KATNIP: variants seen among roughly 807,000 people sequenced by gnomAD.
The protein encoded by KATNIP is katanin-interacting protein.
In KATNIP, 126 loss-of-function variants were observed where a neutral mutation model predicts 174.0. That is an observed-to-expected ratio of 0.72 (90% CI 0.63 to 0.84). The LOEUF is 0.84. KATNIP is among the 40% of genes least tolerant of loss of function. The probability of loss-of-function intolerance (pLI) is 0.00; values close to 1 mark genes in which losing one functional copy is unlikely to be tolerated. For missense variants in KATNIP, 1,958 were observed against 2,109.7 expected (o/e 0.93, Z 1.41); for synonymous variants, 810 against 835.7 (o/e 0.97, Z 0.53).
chr16:27,556,380 T>G (rs1038486009), intron 1 of KATNIP, among the ~76,000 whole-genome samples: 2 of 152,192 alleles, frequency 1.3e-5, no homozygotes. Context: ...AGTTGAATTT[T>G]CCCCAGTACT....
At chr16:27,718,313 C>T (rs1249989775) in intron 13 of KATNIP, 2 of 152,238 alleles carry the variant, frequency 1.3e-5, no homozygotes, top group Non-Finnish European at 2.9e-5. Flanking sequence ...CGCCCGATTC[C>T]CGTTCTGCTG....
intron 15 of KATNIP, among the ~76,000 whole-genome samples, chr16:27,744,217 C>T (rs2081203572): frequency 6.6e-6 from 1 of 152,154 alleles, no homozygotes; most frequent in Admixed American, 6.5e-5. Context: ...ATTGGAATTT[C>T]GTTGCCAGTA....
At chr16:27,587,978 T>C (rs1410277386) in intron 2 of KATNIP, among the ~76,000 whole-genome samples, 2 of 150,972 alleles carry the variant, frequency 1.3e-5, no homozygotes, top group Admixed American at 1.3e-4. Context: ...TGCAGTGGCA[T>C]GAACACGGCT....
intron 6 of KATNIP, among the ~76,000 whole-genome samples, chr16:27,666,673 G>C (rs949609707): frequency 1.3e-5 from 2 of 152,176 alleles, no homozygotes; most frequent in Non-Finnish European, 2.9e-5. Context: ...GCCTGCCAAA[G>C]TGTTGGGATT....
chr16:27,760,508 C>T (rs1314766203), intron 18 of KATNIP, among the ~76,000 whole-genome samples: 1 of 152,132 alleles, frequency 6.6e-6, no homozygotes, highest in South Asian at 2.1e-4. Context: ...AAAAGGATGG[C>T]GGTATCACCC....
At chr16:27,662,953 T>C (rs959983366) in intron 6 of KATNIP, among the ~76,000 whole-genome samples, 1 of 152,178 alleles carries the variant, frequency 6.6e-6, no homozygotes, top group African/African-American at 2.4e-5. Context: ...TTTACTTTTA[T>C]TGAGCAAGTA....
At chr16:27,676,133 C>T (rs535962454) in intron 6 of KATNIP, among the ~76,000 whole-genome samples, 3 of 152,164 alleles carry the variant, frequency 2.0e-5, no homozygotes, top group Non-Finnish European at 4.4e-5. Context: ...CTGTCTCTTT[C>T]CTCTCACATT....
intron 23 of KATNIP, 58 bp downstream of exon 23, chr16:27,773,267 C>G: frequency 1.6e-6 from 2 of 1,218,722 alleles, no homozygotes; most frequent in Non-Finnish European, 2.4e-6. Context: ...ATGGGAGGGT[C>G]GGGAACGGGG....
intron 6 of KATNIP, among the ~76,000 whole-genome samples, chr16:27,663,861 G>C (rs913375950): frequency 2.0e-5 from 3 of 151,806 alleles, no homozygotes; most frequent in Non-Finnish European, 4.4e-5. Context: ...ACCCAGACTG[G>C]AATGCAGAGC....
rs1356838724 is a variant in KATNIP, at chr16:27,772,195, C to T, written c.4198+543C>T. On this transcript the variant is annotated intron_variant, in intron 22 of 27. Transcript: ENST00000261588. The stretch of plus-strand genomic sequence containing the variant: ...GCTGAGGTGGGAGGACCTTTTGAGC[C>T]CAGGAGTTCGAGGCTGCAGTGAGCT... 2.0e-5 allele frequency among the ~76,000 whole-genome samples: 3 copies of T among 152,108 alleles called. No homozygotes were observed. In the East Asian group the frequency reaches 5.8e-4, roughly 29 times the overall value.
intron 14 of KATNIP, among the ~76,000 whole-genome samples, chr16:27,728,088 C>T: frequency 6.6e-6 from 1 of 152,266 alleles, no homozygotes; most frequent in East Asian, 1.9e-4. Flanking sequence ...CATTTGGTCA[C>T]CCGAGTCAGT....
chr16:27,601,618 C>T (rs1239174608), intron 2 of KATNIP, among the ~76,000 whole-genome samples: 2 of 152,064 alleles, frequency 1.3e-5, no homozygotes, highest in Non-Finnish European at 2.9e-5. Context: ...GCCCGGCCGG[C>T]AATGACCTTG....
intron 14 of KATNIP, among the ~76,000 whole-genome samples, chr16:27,727,016 A>G (rs1299282779): frequency 2.0e-5 from 3 of 152,234 alleles, no homozygotes; most frequent in East Asian, 1.9e-4. Flanking sequence ...GGCAGGTTAC[A>G]TCACATCTGT....
At chr16:27,753,802 C>T (rs1369878249) in intron 17 of KATNIP, among the ~76,000 whole-genome samples, 1 of 150,070 alleles carries the variant, frequency 6.7e-6, no homozygotes, top group African/African-American at 2.5e-5. Flanking sequence ...TCCTTCCTTC[C>T]TCTCTCCCTT....
intron 1 of KATNIP, among the ~76,000 whole-genome samples, chr16:27,554,789 C>CTTTTTT: frequency 1.3e-5 from 1 of 77,808 alleles, no homozygotes; most frequent in Admixed American, 1.6e-4. Flanking sequence ...TTGATTTACA[C>CTTTTTT]TTTTTTTTTT....
At chr16:27,709,067 C>T (rs557992948) in intron 13 of KATNIP, 147 bp downstream of exon 13, 2 of 613,878 alleles carry the variant, frequency 3.3e-6, no homozygotes, top group Admixed American at 6.3e-5. Flanking sequence ...ACCTGTAATC[C>T]CAGCACTTTG....
At chr16:27,772,187 T>A (rs1244007706) in intron 22 of KATNIP, among the ~76,000 whole-genome samples, 1 of 152,132 alleles carries the variant, frequency 6.6e-6, no homozygotes, top group Admixed American at 6.5e-5. Flanking sequence ...TGGGAGGACC[T>A]TTTGAGCCCA....
At chr16:27,555,760 T>C (rs2089596066) in intron 1 of KATNIP, among the ~76,000 whole-genome samples, 1 of 151,338 alleles carries the variant, frequency 6.6e-6, no homozygotes, top group Non-Finnish European at 1.5e-5. Context: ...CGCTTGAATC[T>C]GGGAGGCAGA....
chr16:27,587,850 C>CTATTTA lies in KATNIP; in HGVS notation c.63+13900_63+13905dup, dbSNP rs369111857. 3.2e-4 allele frequency among the ~76,000 whole-genome samples: 48 copies of CTATTTA among 151,794 alleles called. 1 individual carries two copies. Among genetic ancestry groups the CTATTTA allele is most frequent in the African/African-American group, 8.7e-4 (36 of 41,420 alleles). On this transcript the variant is annotated intron_variant, in intron 2 of 27. Coordinates refer to ENST00000261588, the MANE Select transcript of KATNIP (RefSeq NM_015202.5). ...TCCTAAGATGATCCATTGGTATCAT[C>CTATTTA]TATTTATATTTCTTTCTAGCTTTTT...
Sources: gnomAD v4.1 joint callset for allele counts (sites outside exome capture counted in the v4.1 genomes callset) on GRCh38, gnomAD v4.1.1 for gene constraint, MANE v1.5 for transcripts, NCBI Gene and HGNC (gene_info 2026-07-23, HGNC 2026-07-21) for gene names.